The following FRMD3 variants were observed in gnomAD, a reference collection of about 807,000 sequenced individuals.
The protein encoded by FRMD3 is FERM domain-containing protein 3.
FRMD3 carries 33 observed loss-of-function variants against 70.2 expected under a neutral mutation model. That is an observed-to-expected ratio of 0.47 (90% CI 0.36 to 0.63). FRMD3 has a LOEUF of 0.63. Among genes scored for constraint, FRMD3 ranks in the 20% least tolerant of loss-of-function variants. FRMD3 has a pLI of 0.00. For missense variants in FRMD3, 632 were observed against 711.4 expected (o/e 0.89, Z 1.27); for synonymous variants, 279 against 255.9 (o/e 1.09, Z -0.86).
intron 1 of FRMD3, among the ~76,000 whole-genome samples, chr9:83,446,524 G>A (rs892321594): frequency 2.0e-5 from 3 of 151,782 alleles, no homozygotes; most frequent in Non-Finnish European, 4.4e-5. Context: ...GCGGGCGCCT[G>A]TAGTCCCAGC....
chr9:83,309,563 C>A lies in FRMD3; in HGVS notation c.899G>T (p.Cys300Phe). 1 of 1,596,400 alleles carries A rather than the reference C, an allele frequency of 6.3e-7. No individual in the cohort carries two copies. The highest frequency in any genetic ancestry group is 8.5e-7 in the Non-Finnish European group (1 of 1,171,420). ...TPAACKHLWK[C>F]GVENQAFYKY... ...ATAAAAGGCCTGGTTTTCCACTCCACACTTCCAAAGATGTTTGCAGGCAGC... is the reference window on the plus strand; with the variant it reads ...ATAAAAGGCCTGGTTTTCCACTCCAAACTTCCAAAGATGTTTGCAGGCAGC... Residue 300 changes from cysteine to phenylalanine, a missense_variant, in exon 10 of 14, where the codon TGT becomes TTT. By Grantham distance (205) the Cys-to-Phe change is radical. Coordinates refer to ENST00000304195, the MANE Select transcript of FRMD3 (RefSeq NM_174938.6).
At chr9:83,313,478 T>G (rs929219124) in intron 7 of FRMD3, among the ~76,000 whole-genome samples, 182 bp downstream of exon 7, 5 of 152,170 alleles carry the variant, frequency 3.3e-5, no homozygotes, top group Non-Finnish European at 7.3e-5. Context: ...ATTGGAAGAC[T>G]CCAATGGAGA....
At chr9:83,287,732 A>G (rs1461937641) in intron 13 of FRMD3, among the ~76,000 whole-genome samples, 2 of 152,150 alleles carry the variant, frequency 1.3e-5, no homozygotes, top group African/African-American at 2.4e-5. Context: ...AGACACTCCA[A>G]TGGGACTAAA....
chr9:83,412,664 A>C (rs145761733), intron 1 of FRMD3, among the ~76,000 whole-genome samples: 1 of 152,358 alleles, frequency 6.6e-6, no homozygotes, highest in Non-Finnish European at 1.5e-5. Context: ...AGCAGCTGAA[A>C]TTGTTGACTA....
intron 2 of FRMD3, among the ~76,000 whole-genome samples, chr9:83,380,978 C>A (rs959739283): frequency 1.3e-5 from 2 of 152,150 alleles, no homozygotes; most frequent in Admixed American, 6.5e-5. Context: ...TCCACCTAGA[C>A]AAAGCCCCAG....
chr9:83,418,228 C>A (rs1826514943), intron 1 of FRMD3, among the ~76,000 whole-genome samples: 1 of 152,030 alleles, frequency 6.6e-6, no homozygotes, highest in Non-Finnish European at 1.5e-5. Context: ...GCAAAGAATT[C>A]ATGACTAAGA....
chr9:83,331,941 G>A lies in FRMD3; in HGVS notation c.596+3575C>T. On this transcript the variant is annotated intron_variant, in intron 6 of 13. Coordinates refer to ENST00000304195, the MANE Select transcript of FRMD3 (RefSeq NM_174938.6). ...AGAGAGTTGTAAGCAGAAGTGCTAT[G>A]AATCACTTCCGAAATGAAGCATGAC... 3 of 711,420 alleles carry A rather than the reference G, an allele frequency of 4.2e-6. No homozygotes were observed. The South Asian group carries it at 4.6e-5, about 11-fold the overall frequency. 44.1% of individuals were successfully genotyped at this position (711,420 alleles called of 1,614,324 possible).
chr9:83,475,326 G>A (rs1828370209), intron 1 of FRMD3, among the ~76,000 whole-genome samples: 1 of 151,936 alleles, frequency 6.6e-6, no homozygotes, highest in African/African-American at 2.4e-5. Context: ...TTCTAGAACT[G>A]AAAAATACAA....
chr9:83,527,282 G>T (rs947001637), intron 1 of FRMD3, among the ~76,000 whole-genome samples: 1 of 152,076 alleles, frequency 6.6e-6, no homozygotes, highest in Non-Finnish European at 1.5e-5. Context: ...GGGAAATCCT[G>T]TTTGAAAAAA....
Position 83,385,872 on chromosome 9 carries a change from T to C in FRMD3, c.252+3732A>G, listed in dbSNP as rs146432804. On this transcript the variant is annotated intron_variant, in intron 2 of 13. Transcript: ENST00000304195. ...CGCCTTCTCTCTCCAATGATCTTAA[T>C]AGTAGTGCCCCCTGCCTTTAAAAGA... is the stretch of plus-strand genomic sequence containing the variant. Among the ~76,000 whole-genome samples, 1,276 of 152,298 alleles carry C rather than the reference T, an allele frequency of 8.4e-3. 19 individuals are homozygous for C. Among genetic ancestry groups the C allele is most frequent in the African/African-American group, 0.029 (1,225 of 41,568 alleles).
rs565546406 is a variant in FRMD3, at chr9:83,418,198, T to A, written c.148-28490A>T. On this transcript the variant is annotated intron_variant, in intron 1 of 13. Transcript: ENST00000304195. ...AAAAGCCAGACAGTGTTGGAAAAAC[T>A]CTTCTAGACATCAACCTCGGCAAAG... is the stretch of plus-strand genomic sequence containing the variant. 8.4e-4 allele frequency among the ~76,000 whole-genome samples: 128 copies of A among 152,086 alleles called. 1 individual carries two copies. The highest frequency in any genetic ancestry group is 3.1e-3 in the African/African-American group (127 of 41,482).
intron 1 of FRMD3, among the ~76,000 whole-genome samples, chr9:83,487,158 A>G (rs1587461834): frequency 6.6e-6 from 1 of 152,224 alleles, no homozygotes; most frequent in African/African-American, 2.4e-5. Flanking sequence ...GTGTCACCCA[A>G]GTTATCATTA....
intron 6 of FRMD3, among the ~76,000 whole-genome samples, chr9:83,319,671 G>A (rs1022858584): frequency 1.3e-5 from 2 of 152,142 alleles, no homozygotes; most frequent in Admixed American, 6.5e-5. Context: ...ACCATGTGTT[G>A]TGGGAGCAAC....
At chr9:83,275,341 T>C (rs1833761289) in intron 13 of FRMD3, among the ~76,000 whole-genome samples, 3 of 152,320 alleles carry the variant, frequency 2.0e-5, no homozygotes, top group African/African-American at 7.2e-5. Flanking sequence ...TACTGATCAA[T>C]GAGCTTCTCC....
chr9:83,370,234 G>A (rs1191079520), intron 3 of FRMD3, among the ~76,000 whole-genome samples: 1 of 152,150 alleles, frequency 6.6e-6, no homozygotes, highest in South Asian at 2.1e-4. Context: ...AGTCCCCAGG[G>A]TTGGACTTGG....
Position 83,245,720 on chromosome 9 carries a change from T to C in FRMD3, c.*2198A>G, listed in dbSNP as rs1170921534. On this transcript the variant is annotated 3_prime_UTR_variant, in exon 14 of 14. Coordinates refer to ENST00000304195, the MANE Select transcript of FRMD3 (RefSeq NM_174938.6). ...AGATGATTTGTCATAGTCAGAACTT[T>C]AGAGAAAATTATATGACGCATGATC... The C allele has an allele frequency of 8.1e-6, 8 of 983,854 alleles. No homozygotes were observed. In the South Asian group the frequency reaches 1.4e-4, roughly 17 times the overall value. 60.9% of individuals were successfully genotyped at this position (983,854 alleles called of 1,614,324 possible).
the FRMD3 span, among the ~76,000 whole-genome samples, chr9:83,545,444 G>A: frequency 3.6e-5 from 5 of 138,922 alleles, no homozygotes; most frequent in South Asian, 7.5e-4. Context: ...TGCAAGCTCC[G>A]CCTCCTGGGT....
At chr9:83,546,890 C>CAAAAA in the FRMD3 span, among the ~76,000 whole-genome samples, 4 of 64,148 alleles carry the variant, frequency 6.2e-5, no homozygotes, top group African/African-American at 2.3e-4. Flanking sequence ...GACTCTGTCT[C>CAAAAA]AAAAAAAAAA....
intron 1 of FRMD3, among the ~76,000 whole-genome samples, chr9:83,485,266 T>C (rs1828663571): frequency 6.6e-6 from 1 of 152,218 alleles, no homozygotes; most frequent in Admixed American, 6.5e-5. Flanking sequence ...AGTAATTTGA[T>C]GTGGAAAATC....
Sources: allele counts gnomAD v4.1 joint callset (sites outside exome capture counted in the v4.1 genomes callset), GRCh38; gene constraint gnomAD v4.1.1; transcripts MANE v1.5; gene names NCBI Gene and HGNC (gene_info 2026-07-23, HGNC 2026-07-21).